The following GRM3 variants were observed in gnomAD, a reference collection of about 807,000 sequenced individuals.
GRM3 encodes metabotropic glutamate receptor 3.
A neutral mutation model predicts 70.5 loss-of-function variants in GRM3; 26 were observed. The observed-to-expected ratio is 0.37, with a 90% CI of 0.27 to 0.51. GRM3 has a LOEUF of 0.51. Ranked by LOEUF, GRM3 falls within the 20% of genes least tolerant of loss-of-function variation. GRM3 has a pLI of 0.93. For synonymous variants in GRM3, 443 were observed against 434.9 expected, an observed-to-expected ratio of 1.02 and a Z score of -0.23; for missense variants, 859 against 1,123.8, an observed-to-expected ratio of 0.76 and a Z score of 3.37.
At chr7:86,713,323 T>G (rs1313641204) in intron 1 of GRM3, among the ~76,000 whole-genome samples, 1 of 152,060 alleles carries the variant, frequency 6.6e-6, no homozygotes. Context: ...TAAAGTCAGA[T>G]TATGTTTTTT....
intron 1 of GRM3, among the ~76,000 whole-genome samples, chr7:86,682,666 A>T (rs2064071947): frequency 6.6e-6 from 1 of 152,142 alleles, no homozygotes; most frequent in Admixed American, 6.6e-5. Context: ...ACATTAAGAG[A>T]GGTGAATTAT....
intron 1 of GRM3, among the ~76,000 whole-genome samples, chr7:86,756,520 A>G (rs1584218345): frequency 6.6e-6 from 1 of 152,300 alleles, no homozygotes; most frequent in East Asian, 1.9e-4. Flanking sequence ...GTTTTTCCCC[A>G]GAACTTCAAA....
chr7:86,800,348 C>T (rs1052033172), intron 3 of GRM3, among the ~76,000 whole-genome samples: 4 of 151,952 alleles, frequency 2.6e-5, no homozygotes, highest in Non-Finnish European at 5.9e-5. Context: ...ATCAATAAAT[C>T]CAGGAGTTGG....
At chr7:86,739,468 T>A (rs928638307) in intron 1 of GRM3, among the ~76,000 whole-genome samples, 2 of 152,202 alleles carry the variant, frequency 1.3e-5, no homozygotes, top group South Asian at 4.1e-4. Flanking sequence ...CTGATTGATA[T>A]ATAAAAACTT....
intron 1 of GRM3, among the ~76,000 whole-genome samples, chr7:86,656,260 C>CTTTTTTTTTTTTTTTTTTT: frequency 1.2e-5 from 1 of 83,276 alleles, no homozygotes; most frequent in Non-Finnish European, 2.1e-5. Flanking sequence ...ATACTATGTT[C>CTTTTTTTTTTTTTTTTTTT]TTTTTTTTTT....
At chr7:86,746,347 A>ATATATAAAAT (rs1562846619) in intron 1 of GRM3, among the ~76,000 whole-genome samples, 12 of 130,830 alleles carry the variant, frequency 9.2e-5, no homozygotes, top group South Asian at 7.2e-4. Flanking sequence ...TGTATTATAT[A>ATATATAAAAT]TATATATATA....
chr7:86,728,075 A>G (rs534227478), intron 1 of GRM3, among the ~76,000 whole-genome samples: 12 of 152,326 alleles, frequency 7.9e-5, no homozygotes, highest in African/African-American at 2.4e-4. Flanking sequence ...TGGCTCAAAA[A>G]AGACCATTTT....
intron 5 of GRM3, among the ~76,000 whole-genome samples, chr7:86,861,578 G>C (rs1463092411): frequency 6.6e-6 from 1 of 152,186 alleles, no homozygotes; most frequent in Non-Finnish European, 1.5e-5. Context: ...GGATGACAAG[G>C]AGGAGCCAGA....
intron 3 of GRM3, among the ~76,000 whole-genome samples, chr7:86,798,046 G>A (rs1015633885): frequency 1.3e-5 from 2 of 152,230 alleles, no homozygotes; most frequent in African/African-American, 4.8e-5. Context: ...GGATTTCAGA[G>A]GATGTATGGA....
intron 3 of GRM3, among the ~76,000 whole-genome samples, chr7:86,817,553 G>C (rs1798040782): frequency 6.6e-6 from 1 of 151,878 alleles, no homozygotes; most frequent in Non-Finnish European, 1.5e-5. Flanking sequence ...GCTAGCTTTT[G>C]ATCATTTTTC....
intron 2 of GRM3, among the ~76,000 whole-genome samples, chr7:86,772,383 G>A (rs1214213286): frequency 6.6e-6 from 1 of 152,080 alleles, no homozygotes; most frequent in Non-Finnish European, 1.5e-5. Flanking sequence ...TGCAATGGAA[G>A]ACTTGTTTAG....
At chr7:86,657,031 G>T (rs184532057) in intron 1 of GRM3, among the ~76,000 whole-genome samples, 23 of 152,224 alleles carry the variant, frequency 1.5e-4, no homozygotes, top group Admixed American at 1.1e-3. Flanking sequence ...TTAATATGTT[G>T]TACTTTAGGA....
intron 1 of GRM3, among the ~76,000 whole-genome samples, chr7:86,745,967 G>A (rs1043209432): frequency 1.3e-5 from 2 of 151,884 alleles, no homozygotes; most frequent in African/African-American, 4.8e-5. Flanking sequence ...GGAGAGAAAA[G>A]AATTAAAACT....
intron 1 of GRM3, among the ~76,000 whole-genome samples, chr7:86,662,791 T>C (rs971215497): frequency 6.6e-6 from 1 of 151,986 alleles, no homozygotes; most frequent in Admixed American, 6.6e-5. Context: ...GTTTGAACTT[T>C]TGTGTATCCA....
intron 1 of GRM3, among the ~76,000 whole-genome samples, chr7:86,759,786 G>A (rs1796434777): frequency 6.6e-6 from 1 of 152,056 alleles, no homozygotes; most frequent in African/African-American, 2.4e-5. Context: ...AAATGATTGG[G>A]TTTGAAATGA....
intron 5 of GRM3, among the ~76,000 whole-genome samples, chr7:86,861,626 C>CA (rs1562885245): frequency 1.3e-5 from 2 of 151,966 alleles, no homozygotes; most frequent in Non-Finnish European, 2.9e-5. Flanking sequence ...CCTAGAGAGG[C>CA]AAAGGCTACT....
Position 86,786,253 on chromosome 7 carries a change from T to TC in GRM3, c.469-4dup. On this transcript the variant is annotated splice_region_variant and splice_polypyrimidine_tract_variant and intron_variant, in intron 2 of 5. Transcript: ENST00000361669. This position sits in a 1 kb window ranked among gnomAD's most constrained non-coding sequence, Gnocchi z 6.0. ...TTCTAACAAAGGTCCTTCTTCTCCCTCCCCTAGGTGGCAAACCTGCTGCGG... is the reference window on the plus strand; with the variant it reads ...TTCTAACAAAGGTCCTTCTTCTCCCTCCCCCTAGGTGGCAAACCTGCTGCGG... The TC allele has an allele frequency of 6.2e-7, 1 of 1,602,802 alleles. No homozygotes were observed. Among genetic ancestry groups the TC allele is most frequent in the Non-Finnish European group, 8.5e-7 (1 of 1,173,466 alleles).
intron 3 of GRM3, among the ~76,000 whole-genome samples, chr7:86,831,430 G>C (rs963103878): frequency 1.2e-4 from 18 of 152,024 alleles, no homozygotes; most frequent in South Asian, 2.1e-4. Flanking sequence ...GGGAAAAGAA[G>C]GTAGGAAAAA....
chr7:86,859,264 G>T (rs1798909834), intron 5 of GRM3, among the ~76,000 whole-genome samples: 1 of 152,126 alleles, frequency 6.6e-6, no homozygotes, highest in African/African-American at 2.4e-5. Context: ...ACCAGGCCCA[G>T]TCTATATTTC....
Sources: gnomAD v4.1 joint callset for allele counts (sites outside exome capture counted in the v4.1 genomes callset) on GRCh38, gnomAD v4.1.1 for gene constraint, Gnocchi (gnomAD v3.1) non-coding constraint, MANE v1.5 for transcripts, NCBI Gene and HGNC (gene_info 2026-07-23, HGNC 2026-07-21) for gene names.